Variants in E2F3 observed in about 807,000 individuals in gnomAD.
E2F3 encodes transcription factor E2F3.
Under a neutral mutation model 44.4 loss-of-function variants are expected in E2F3, and 11 were observed. That is an observed-to-expected ratio of 0.25 (90% CI 0.16 to 0.41). The LOEUF (loss-of-function observed/expected upper bound fraction) is 0.41, where lower values mean the gene tolerates loss of function less well. E2F3 is among the 10% of genes least tolerant of loss of function. E2F3 has a pLI of 1.00. For missense variants in E2F3, 487 were observed against 583.6 expected (o/e 0.83, Z 1.70); for synonymous variants, 249 against 253.0 (o/e 0.98, Z 0.15).
At chr6:20,465,220 C>G (rs921137389) in intron 1 of E2F3, among the ~76,000 whole-genome samples, 1 of 152,202 alleles carries the variant, frequency 6.6e-6, no homozygotes, top group African/African-American at 2.4e-5. Context: ...GTCTGTCAGT[C>G]TTTTTCTTGA....
At chr6:20,471,309 A>T (rs1761880788) in intron 1 of E2F3, among the ~76,000 whole-genome samples, 1 of 152,220 alleles carries the variant, frequency 6.6e-6, no homozygotes, top group South Asian at 2.1e-4. Flanking sequence ...TAGGCCGGGC[A>T]CGGTGGCTCA....
chr6:20,486,605 A>C (rs1762401858), intron 4 of E2F3, 84 bp from the exon 5 acceptor site: 1 of 791,146 alleles, frequency 1.3e-6, no homozygotes, highest in East Asian at 2.6e-5. Context: ...AAAATACTTT[A>C]AAATATTCCA....
chr6:20,457,412 C>T (rs1382983400), intron 1 of E2F3, among the ~76,000 whole-genome samples: 1 of 133,872 alleles, frequency 7.5e-6, no homozygotes, highest in Admixed American at 8.5e-5. Flanking sequence ...TGCTCGATCT[C>T]TTGACCTCAG....
chr6:20,467,113 G>C (rs1761740503), intron 1 of E2F3, among the ~76,000 whole-genome samples: 1 of 152,124 alleles, frequency 6.6e-6, no homozygotes, highest in Non-Finnish European at 1.5e-5. Flanking sequence ...ATTAGCATCT[G>C]TAAGACTCAT....
In E2F3 at chr6:20,402,534, C is replaced by A; in HGVS notation, c.302C>A (p.Thr101Asn). 6.3e-7 allele frequency: 1 copy of A among 1,597,070 alleles called. No individual in the cohort carries two copies. The highest frequency in any genetic ancestry group is 2.3e-5 in the East Asian group (1 of 44,394). The change falls in exon 1 of 7, where the codon ACC becomes AAC. Residue 101 changes from threonine to asparagine, a missense_variant. By Grantham distance (65) the Thr-to-Asn change is moderately conservative. Transcript: ENST00000346618. This position sits in a 1 kb window ranked among gnomAD's most constrained non-coding sequence, Gnocchi z 5.6. ...CAGACCGCCGGCAGCCTCCTCTACA[C>A]CACGCCGCACGGACCCTCCAGCAGA... is the stretch of plus-strand genomic sequence containing the variant. ...AEQTAGSLLY[T>N]TPHGPSSRAG...
chr6:20,402,711 C>T lies in E2F3; in HGVS notation c.393+86C>T, dbSNP rs980050751. On this transcript the variant is annotated intron_variant, in intron 1 of 6. Transcript: ENST00000346618. This position sits in a 1 kb window ranked among gnomAD's most constrained non-coding sequence, Gnocchi z 5.6. ...GGTCGTGGGCGCGCTGCGGGCCGCT[C>T]GGGGAGAGCACTGGGCCGAGCATCG... 1.5e-4 allele frequency: 189 copies of T among 1,271,692 alleles called. 1 individual carries two copies. The highest frequency in any genetic ancestry group is 8.9e-4 in the Middle Eastern group (3 of 3,366). 78.8% of individuals were successfully genotyped at this position (1,271,692 alleles called of 1,614,324 possible). A position where few individuals can be genotyped will look rare whatever the true frequency, so the allele number is the denominator to read the frequency against.
chr6:20,438,813 C>T (rs1037708153), intron 1 of E2F3, among the ~76,000 whole-genome samples: 4 of 152,174 alleles, frequency 2.6e-5, no homozygotes, highest in African/African-American at 4.8e-5. Flanking sequence ...AGCTGTCTCC[C>T]GTGCTTTCTG....
intron 1 of E2F3, among the ~76,000 whole-genome samples, chr6:20,409,030 C>G (rs1430007929): frequency 6.6e-6 from 1 of 152,218 alleles, no homozygotes; most frequent in Non-Finnish European, 1.5e-5. Flanking sequence ...TGTTAAATTA[C>G]TTGCCCAAGG....
chr6:20,459,442 C>T (rs4710930), intron 1 of E2F3, among the ~76,000 whole-genome samples: 133,595 of 152,226 alleles, frequency 0.88, 58,780 homozygotes, highest in East Asian at 0.94. Flanking sequence ...TGTTCTGAAA[C>T]CTCCCGTTAC....
intron 2 of E2F3, among the ~76,000 whole-genome samples, 175 bp from the exon 3 acceptor site, chr6:20,481,031 A>G (rs921439918): frequency 2.0e-5 from 3 of 152,192 alleles, no homozygotes; most frequent in Admixed American, 6.5e-5. Context: ...TGCTCTAATA[A>G]AAAACTTTCA....
In E2F3 at chr6:20,490,184, C is replaced by T; in HGVS notation, c.1152C>T (p.Asn384=). 1 of 1,611,584 alleles carries T rather than the reference C, an allele frequency of 6.2e-7. No homozygotes were observed. The highest frequency in any genetic ancestry group is 8.5e-7 in the Non-Finnish European group (1 of 1,179,058). ...KPASKDLAST[N]SGHSDCSVSM... is the part of the protein sequence containing the mutation. ...TCTTTTCAGACTTGGCTTCAACCAA[C>T]TCAGGACATAGCGATTGCTCAGTTT... The change falls in exon 7 of 7, where the codon AAC becomes AAT. Residue 384 remains asparagine (N), a synonymous_variant. Coordinates refer to ENST00000346618, the MANE Select transcript of E2F3 (RefSeq NM_001949.5). The surrounding 1 kb of genome is among the most constrained non-coding windows in gnomAD (Gnocchi z 4.3).
At chr6:20,409,822 G>T (rs777750149) in intron 1 of E2F3, among the ~76,000 whole-genome samples, 6 of 152,238 alleles carry the variant, frequency 3.9e-5, no homozygotes, top group Non-Finnish European at 8.8e-5. Flanking sequence ...GTAGTGCACT[G>T]ACTCGTTAGG....
intron 1 of E2F3, among the ~76,000 whole-genome samples, chr6:20,425,077 A>T (rs1332743546): frequency 6.6e-6 from 1 of 152,180 alleles, no homozygotes; most frequent in Non-Finnish European, 1.5e-5. Flanking sequence ...GGGAAGACCT[A>T]GCAAGATCTC....
intron 1 of E2F3, among the ~76,000 whole-genome samples, chr6:20,420,031 A>G (rs899514499): frequency 1.1e-4 from 16 of 152,110 alleles, no homozygotes; most frequent in Non-Finnish European, 5.9e-5. Context: ...ACACCCGGCT[A>G]CTTTTTGTAT....
intron 1 of E2F3, among the ~76,000 whole-genome samples, chr6:20,436,711 G>C (rs1489521441): frequency 2.0e-5 from 3 of 152,208 alleles, no homozygotes; most frequent in African/African-American, 7.2e-5. Context: ...TAAAGGCAAT[G>C]AGAACACGCT....
intron 1 of E2F3, among the ~76,000 whole-genome samples, chr6:20,463,359 G>A (rs1254075821): frequency 6.6e-6 from 1 of 152,096 alleles, no homozygotes; most frequent in Non-Finnish European, 1.5e-5. Context: ...GACCAGCCTG[G>A]GCAACATAGT....
chr6:20,407,993 A>G (rs991176008), intron 1 of E2F3, among the ~76,000 whole-genome samples: 3 of 152,206 alleles, frequency 2.0e-5, no homozygotes, highest in Non-Finnish European at 4.4e-5. Flanking sequence ...TGTTTTTTAA[A>G]AAGGGGAATC....
intron 1 of E2F3, among the ~76,000 whole-genome samples, chr6:20,432,309 T>A (rs1258990067): frequency 6.6e-6 from 1 of 152,228 alleles, no homozygotes; most frequent in East Asian, 1.9e-4. Flanking sequence ...ATGGAGGCCA[T>A]GGTGTTCGTT....
chr6:20,481,714 G>T (rs1762230649), intron 3 of E2F3, among the ~76,000 whole-genome samples: 2 of 152,194 alleles, frequency 1.3e-5, no homozygotes, highest in East Asian at 1.9e-4. Flanking sequence ...GTGGACTGCT[G>T]TTCATCTGTT....
Sources: allele counts gnomAD v4.1 joint callset (sites outside exome capture counted in the v4.1 genomes callset), GRCh38; gene constraint gnomAD v4.1.1; non-coding constraint Gnocchi (gnomAD v3.1); transcripts MANE v1.5; gene names NCBI Gene and HGNC (gene_info 2026-07-23, HGNC 2026-07-21).